The following HDGFL3 variants were observed in gnomAD, a reference collection of about 807,000 sequenced individuals.
The protein encoded by HDGFL3 is HDGF like 3.
A neutral mutation model predicts 27.6 loss-of-function variants in HDGFL3; 6 were observed. That is an observed-to-expected ratio of 0.22 (90% CI 0.12 to 0.43). The LOEUF (loss-of-function observed/expected upper bound fraction) is 0.43. Ranked by LOEUF, HDGFL3 falls within the 20% of genes least tolerant of loss-of-function variation. The pLI is 1.00. For synonymous variants in HDGFL3, 88 were observed against 88.9 expected (o/e 0.99, Z 0.05); for missense variants, 207 against 250.1 (o/e 0.83, Z 1.16).
intron 3 of HDGFL3, among the ~76,000 whole-genome samples, chr15:83,121,101 C>T (rs953897242): frequency 1.3e-5 from 2 of 151,558 alleles, no homozygotes; most frequent in African/African-American, 4.9e-5. Flanking sequence ...GACGGAGTCT[C>T]GCTCTGTCAC....
At chr15:83,183,182 T>C (rs190138178) in intron 1 of HDGFL3, among the ~76,000 whole-genome samples, 10 of 152,256 alleles carry the variant, frequency 6.6e-5, no homozygotes, top group East Asian at 1.9e-4. Flanking sequence ...CCTGTACAGA[T>C]TGAAACCACA....
chr15:83,203,467 G>A (rs1236424597), intron 1 of HDGFL3, among the ~76,000 whole-genome samples: 1 of 151,858 alleles, frequency 6.6e-6, no homozygotes, highest in Non-Finnish European at 1.5e-5. Flanking sequence ...ACTTCTAACT[G>A]AACTAGCTCT....
chr15:83,160,427 C>T (rs1278341535), intron 2 of HDGFL3, among the ~76,000 whole-genome samples: 2 of 151,976 alleles, frequency 1.3e-5, no homozygotes, highest in African/African-American at 4.8e-5. Flanking sequence ...CCTTGTGATC[C>T]GCCCACCTCA....
At chr15:83,155,210 A>C (rs1464002941) in intron 4 of HDGFL3, among the ~76,000 whole-genome samples, 1 of 152,262 alleles carries the variant, frequency 6.6e-6, no homozygotes, top group Non-Finnish European at 1.5e-5. Flanking sequence ...CAAGGAAAGC[A>C]AAGGAAATGA....
downstream of HDGFL3, chr15:83,124,611 C>A: frequency 7.8e-7 from 1 of 1,275,622 alleles, no homozygotes; most frequent in Non-Finnish European, 1.1e-6. Context: ...TTTAATGTTT[C>A]AGATTTCAGA....
At chr15:83,141,941 T>C (rs2036779916) in intron 5 of HDGFL3, among the ~76,000 whole-genome samples, 1 of 152,156 alleles carries the variant, frequency 6.6e-6, no homozygotes, top group Admixed American at 6.5e-5. Flanking sequence ...TCGCTGATCA[T>C]TAGAGAAATG....
chr15:83,180,788 A>G (rs528670087), intron 1 of HDGFL3: 2 of 152,102 alleles, frequency 1.3e-5, no homozygotes, highest in South Asian at 4.2e-4. Flanking sequence ...TGGGCCTACA[A>G]GCACACACCA....
In HDGFL3 at chr15:83,133,506, AT is replaced by A. The variant is rs1243523129; in HGVS notation, c.*5763del. On this transcript the variant is annotated 3_prime_UTR_variant, in exon 6 of 6. Transcript: ENST00000299633. ...AAAAAAAATCAGAGTATATCTCTTA[AT>A]TATTTCTGTAAGGTGAAAATGATTT... is the stretch of plus-strand genomic sequence containing the variant. 1.3e-5 allele frequency: 2 copies of A among 152,252 alleles called. No homozygotes were observed. Among genetic ancestry groups the A allele is most frequent in the East Asian group, 3.8e-4 (2 of 5,206 alleles). The allele number at this position is 152,252 out of a possible 1,614,324, so 9.4% of individuals were successfully genotyped here.
At chr15:83,160,574 A>G (rs530946843) in intron 2 of HDGFL3, among the ~76,000 whole-genome samples, 1 of 152,080 alleles carries the variant, frequency 6.6e-6, no homozygotes, top group South Asian at 2.1e-4. Context: ...TTGGGGGCAA[A>G]AAACTCAGTT....
intron 1 of HDGFL3, among the ~76,000 whole-genome samples, chr15:83,199,877 C>T (rs1296115889): frequency 6.6e-6 from 1 of 150,482 alleles, no homozygotes; most frequent in Non-Finnish European, 1.5e-5. Flanking sequence ...CCAGTCTCTA[C>T]TAAAAATACA....
chr15:83,131,047 G>A lies in HDGFL3; in HGVS notation c.*8223C>T, dbSNP rs1428097060. The A allele has an allele frequency of 6.6e-6, 1 of 152,070 alleles. No individual in the cohort carries two copies. The highest frequency in any genetic ancestry group is 2.4e-5 in the African/African-American group (1 of 41,394). The allele number at this position is 152,070 out of a possible 1,614,324, so 9.4% of individuals were successfully genotyped here. ...AGAGGTTGCAGTGAGCCGAGACTGT[G>A]TCACTGCACTCTCCAGCCCAGGTGA... On this transcript the variant is annotated 3_prime_UTR_variant, in exon 6 of 6. Transcript: ENST00000299633.
chr15:83,174,746 T>C (rs2037289023), intron 1 of HDGFL3, among the ~76,000 whole-genome samples: 1 of 152,216 alleles, frequency 6.6e-6, no homozygotes, highest in Admixed American at 6.5e-5. Flanking sequence ...TCACATAATG[T>C]ACTTATTTTA....
chr15:83,191,916 C>T (rs1290076657), intron 1 of HDGFL3, among the ~76,000 whole-genome samples: 6 of 148,072 alleles, frequency 4.1e-5, no homozygotes, highest in African/African-American at 1.5e-4. Flanking sequence ...TAAATGCATC[C>T]TATTGTAACT....
chr15:83,136,691 C>T lies in HDGFL3; in HGVS notation c.*2579G>A, dbSNP rs1455456027. The T allele has an allele frequency of 6.3e-7, 1 of 1,577,026 alleles. No individual in the cohort carries two copies. Among genetic ancestry groups the T allele is most frequent in the Non-Finnish European group, 8.6e-7 (1 of 1,164,626 alleles). ...GGAATAAAAATATTACTTCATGTTC[C>T]TCCTTTCTAAATTACTAACTTTTGT... On this transcript the variant is annotated 3_prime_UTR_variant, in exon 6 of 6. Coordinates refer to ENST00000299633, the MANE Select transcript of HDGFL3 (RefSeq NM_016073.4).
At chr15:83,187,320 A>AAATCTTCCC (rs1567175894) in intron 1 of HDGFL3, among the ~76,000 whole-genome samples, 1 of 152,034 alleles carries the variant, frequency 6.6e-6, no homozygotes, top group African/African-American at 2.4e-5. Flanking sequence ...TACAAATGTT[A>AAATCTTCCC]CACGGGCAGA....
At chr15:83,140,141 C>A (rs545099955) in intron 5 of HDGFL3, among the ~76,000 whole-genome samples, 1 of 152,256 alleles carries the variant, frequency 6.6e-6, no homozygotes, top group East Asian at 1.9e-4. Flanking sequence ...GGTATGTTCT[C>A]ATTCAGACAG....
intron 2 of HDGFL3, among the ~76,000 whole-genome samples, chr15:83,160,532 G>A (rs770492136): frequency 2.2e-5 from 3 of 138,886 alleles, no homozygotes; most frequent in Admixed American, 7.3e-5. Context: ...GGTATTTACC[G>A]AAATGGAAAT....
chr15:83,145,421 TTTTCTTCTAAGG>T, intron 5 of HDGFL3, among the ~76,000 whole-genome samples: 1 of 152,280 alleles, frequency 6.6e-6, no homozygotes, highest in East Asian at 1.9e-4. Flanking sequence ...CTAAAACCTG[TTTTCTTCTAAGG>T]GCAGTGCTGC....
intron 5 of HDGFL3, among the ~76,000 whole-genome samples, chr15:83,141,615 T>C (rs1377913421): frequency 6.6e-6 from 1 of 152,190 alleles, no homozygotes; most frequent in East Asian, 1.9e-4. Context: ...GACAGGGTCT[T>C]GCTCTTGTGC....
Sources: allele counts gnomAD v4.1 joint callset (sites outside exome capture counted in the v4.1 genomes callset), GRCh38; gene constraint gnomAD v4.1.1; transcripts MANE v1.5; gene names NCBI Gene and HGNC (gene_info 2026-07-23, HGNC 2026-07-21).